The following INIP variants were observed in gnomAD, a reference collection of about 807,000 sequenced individuals.
INIP encodes the protein SOSS complex subunit C.
In INIP, 9 loss-of-function variants were observed where a neutral mutation model predicts 14.0. The ratio of observed to expected loss-of-function variants is 0.64; its 90% CI spans 0.39 to 1.12. The LOEUF (loss-of-function observed/expected upper bound fraction) is 1.12, where lower values mean the gene tolerates loss of function less well. INIP is among the 50% of genes most tolerant of loss of function. The probability of loss-of-function intolerance (pLI) is 0.01; values close to 1 mark genes in which losing one functional copy is unlikely to be tolerated. For missense variants in INIP, 78 were observed against 122.7 expected, an observed-to-expected ratio of 0.64 and a Z score of 1.72; for synonymous variants, 37 against 41.5, an observed-to-expected ratio of 0.89 and a Z score of 0.41.
chr9:112,691,687 G>A (rs1837889317), intron 3 of INIP, among the ~76,000 whole-genome samples: 3 of 152,186 alleles, frequency 2.0e-5, no homozygotes, highest in African/African-American at 4.8e-5. Context: ...TACATTCTCC[G>A]AGTGAGCAAA....
intron 2 of INIP, among the ~76,000 whole-genome samples, chr9:112,695,608 C>T (rs1179048043): frequency 3.3e-5 from 5 of 151,994 alleles, no homozygotes; most frequent in Non-Finnish European, 7.4e-5. Context: ...CAAAATAAAC[C>T]TCTGGCACAT....
rs1382508749 is a variant in INIP at position 112,687,115 on chromosome 9, A to G, written c.*423T>C. The G allele has an allele frequency of 6.5e-6, 1 of 154,336 alleles. No homozygotes were observed. Among genetic ancestry groups the G allele is most frequent in the African/African-American group, 2.4e-5 (1 of 41,532 alleles). The allele number at this position is 154,336 out of a possible 1,614,324, so 9.6% of individuals were successfully genotyped here. On this transcript the variant is annotated 3_prime_UTR_variant, in exon 5 of 5. Transcript: ENST00000374242. ...GATAGCAATCCTATAAACAGCAAAT[A>G]TGGATGCAATTGATTTAAGCCTATT...
At chr9:112,696,184 GC>G (rs1838088824) in intron 2 of INIP, among the ~76,000 whole-genome samples, 18 of 152,084 alleles carry the variant, frequency 1.2e-4, no homozygotes, top group Non-Finnish European at 1.5e-5. Context: ...GAGCAACTGA[GC>G]TAAGCCCATT....
rs186678877 is a variant in INIP, at chr9:112,687,764, T to A, written c.220-131A>T. 7.6e-5 allele frequency: 39 copies of A among 515,684 alleles called. 1 individual carries two copies. In the Admixed American group the frequency reaches 8.2e-4, roughly 11 times the overall value. The allele number at this position is 515,684 out of a possible 1,614,324, so 31.9% of individuals were successfully genotyped here. ...ATTTGTTTATTCATTTATTTTTCAT[T>A]GTTATTGCTGAGATGGAATTTATTT... is the stretch of plus-strand genomic sequence containing the variant. On this transcript the variant is annotated intron_variant, in intron 4 of 4. Coordinates refer to ENST00000374242, the MANE Select transcript of INIP (RefSeq NM_021218.3).
At position 112,687,089 on chromosome 9, in the gene INIP, T is replaced by C. The variant is rs1462530258; in HGVS notation, c.*449A>G. The C allele has an allele frequency of 2.0e-5, 3 of 153,322 alleles. No individual in the cohort carries two copies. Among genetic ancestry groups the C allele is most frequent in the African/African-American group, 4.8e-5 (2 of 41,478 alleles). 9.5% of individuals were successfully genotyped at this position (153,322 alleles called of 1,614,324 possible). On this transcript the variant is annotated 3_prime_UTR_variant, in exon 5 of 5. Transcript: ENST00000374242. ...TTGACTATAAACGCAAAAGGTATAC[T>C]GATAGCAATCCTATAAACAGCAAAT...
intron 2 of INIP, among the ~76,000 whole-genome samples, chr9:112,713,329 A>T (rs754406446): frequency 1.3e-5 from 2 of 152,236 alleles, no homozygotes; most frequent in East Asian, 3.8e-4. Flanking sequence ...GAATATTCAC[A>T]TATTGCTGGA....
chr9:112,696,348 C>T (rs892357077), intron 2 of INIP, among the ~76,000 whole-genome samples: 1 of 152,186 alleles, frequency 6.6e-6, no homozygotes, highest in Non-Finnish European at 1.5e-5. Flanking sequence ...CACGTCATGA[C>T]TGGCTCCACC....
intron 2 of INIP, among the ~76,000 whole-genome samples, chr9:112,699,839 T>C (rs1279773172): frequency 6.6e-6 from 1 of 152,050 alleles, no homozygotes; most frequent in Non-Finnish European, 1.5e-5. Flanking sequence ...TCTGATGGGG[T>C]AGTCTAATTA....
intron 1 of INIP, among the ~76,000 whole-genome samples, chr9:112,717,765 G>A (rs1313598840): frequency 2.0e-5 from 3 of 152,200 alleles, no homozygotes; most frequent in African/African-American, 7.2e-5. Context: ...GCCATCTTGT[G>A]ACAGGGTAGA....
At position 112,689,519 on chromosome 9, in the gene INIP, C is replaced by T. The variant is rs1448251086; in HGVS notation, c.219+8G>A. 6.2e-6 allele frequency: 10 copies of T among 1,612,822 alleles called. No homozygotes were observed. Among genetic ancestry groups the T allele is most frequent in the Non-Finnish European group, 7.6e-6 (9 of 1,178,916 alleles). ...CACCGAGGCAAGAATGTCAGTTACA[C>T]TGCTCACCTGCAAAGCTGCCTTCTG... is the stretch of plus-strand genomic sequence containing the variant. On this transcript the variant is annotated splice_region_variant and intron_variant, in intron 4 of 4. Transcript: ENST00000374242.
At chr9:112,708,845 C>T (rs1037658013) in intron 2 of INIP, among the ~76,000 whole-genome samples, 64 of 144,898 alleles carry the variant, frequency 4.4e-4, no homozygotes, top group African/African-American at 1.4e-3. Context: ...TTTTTATTAA[C>T]TTTTTTTTTT....
chr9:112,704,610 A>T (rs1015482280), intron 2 of INIP, among the ~76,000 whole-genome samples: 11 of 152,220 alleles, frequency 7.2e-5, no homozygotes, highest in Non-Finnish European at 1.0e-4. Flanking sequence ...CAGTTTGGGT[A>T]AGCTTTAGGC....
At chr9:112,710,073 A>G (rs1838598777) in intron 2 of INIP, among the ~76,000 whole-genome samples, 1 of 152,228 alleles carries the variant, frequency 6.6e-6, no homozygotes, top group African/African-American at 2.4e-5. Context: ...ACAAACTCTT[A>G]ATTGAGAGGT....
intron 3 of INIP, 140 bp from the exon 4 acceptor site, chr9:112,689,757 A>T (rs1837812643): frequency 1.7e-6 from 1 of 585,634 alleles, no homozygotes; most frequent in South Asian, 2.4e-5. Context: ...GTACAATATG[A>T]TGTTTTAGTA....
intron 2 of INIP, 105 bp from the exon 3 acceptor site, chr9:112,694,338 ACTC>A (rs1838004173): frequency 6.0e-6 from 4 of 670,736 alleles, no homozygotes; most frequent in African/African-American, 1.8e-5. Flanking sequence ...AGAAAGCAAA[ACTC>A]CTATTCTCTA....
chr9:112,715,086 CAAAT>C (rs986419024), intron 2 of INIP, among the ~76,000 whole-genome samples: 31 of 151,306 alleles, frequency 2.0e-4, no homozygotes, highest in African/African-American at 2.9e-4. Flanking sequence ...TCTAGAATCA[CAAAT>C]AAAGCCAATT....
At chr9:112,706,989 A>G (rs1049285307) in intron 2 of INIP, among the ~76,000 whole-genome samples, 1 of 151,868 alleles carries the variant, frequency 6.6e-6, no homozygotes, top group Non-Finnish European at 1.5e-5. Flanking sequence ...TCGGCTCACC[A>G]CAACCTCCAC....
At chr9:112,704,759 G>A (rs1376786131) in intron 2 of INIP, among the ~76,000 whole-genome samples, 1 of 150,366 alleles carries the variant, frequency 6.7e-6, no homozygotes, top group Non-Finnish European at 1.5e-5. Context: ...CTATAATTCT[G>A]GAAAGTATAG....
In INIP at chr9:112,705,790, C is replaced by G. The variant is rs566750165; in HGVS notation, c.25+10671G>C. ...AATTGGCAAATAAATACAAGTGACTCTAGCCCAAATTATGTGTGGAAAAAG... is the reference window on the plus strand; with the variant it reads ...AATTGGCAAATAAATACAAGTGACTGTAGCCCAAATTATGTGTGGAAAAAG... On this transcript the variant is annotated intron_variant, in intron 2 of 4. Transcript: ENST00000374242. 2.0e-5 allele frequency among the ~76,000 whole-genome samples: 3 copies of G among 152,216 alleles called. No homozygotes were observed. The East Asian group carries it at 5.8e-4, about 29-fold the overall frequency.
Sources: gnomAD v4.1 joint callset for allele counts (sites outside exome capture counted in the v4.1 genomes callset) on GRCh38, gnomAD v4.1.1 for gene constraint, MANE v1.5 for transcripts, NCBI Gene and HGNC (gene_info 2026-07-23, HGNC 2026-07-21) for gene names.